Variants in EHD2 observed in about 807,000 individuals in gnomAD.
EHD2 encodes EH domain-containing protein 2.
Under a neutral mutation model 41.0 loss-of-function variants are expected in EHD2, and 27 were observed. The observed-to-expected ratio is 0.66, with a 90% CI of 0.49 to 0.91. The LOEUF is 0.91. Among genes scored for constraint, EHD2 ranks in the 40% least tolerant of loss-of-function variants. The probability of loss-of-function intolerance (pLI) is 0.00; values close to 1 mark genes in which losing one functional copy is unlikely to be tolerated. For missense variants in EHD2, 673 were observed against 773.9 expected, an observed-to-expected ratio of 0.87 and a Z score of 1.55; for synonymous variants, 342 against 341.0, an observed-to-expected ratio of 1.00 and a Z score of -0.03.
chr19:47,722,787 C>T (rs937459098), intron 3 of EHD2, among the ~76,000 whole-genome samples: 4 of 152,098 alleles, frequency 2.6e-5, no homozygotes, highest in Non-Finnish European at 5.9e-5. Flanking sequence ...AGGCTGGTCT[C>T]GAACTCCTGA....
intron 3 of EHD2, among the ~76,000 whole-genome samples, chr19:47,725,201 T>C (rs1973737596): frequency 6.6e-6 from 1 of 151,202 alleles, no homozygotes; most frequent in Non-Finnish European, 1.5e-5. Flanking sequence ...ACAACCTATA[T>C]GTACATACCG....
At position 47,718,716 on chromosome 19, in the gene EHD2, G is replaced by A. The variant is rs1287946708; in HGVS notation, c.502+110G>A. On this transcript the variant is annotated intron_variant, in intron 3 of 5. Coordinates refer to ENST00000263277, the MANE Select transcript of EHD2 (RefSeq NM_014601.4). ...GACTCCTGGGTCTGAGGGAGGAGGGGCTGGGGTCTGGACTCCTGGGTCTGA... is the reference window on the plus strand; with the variant it reads ...GACTCCTGGGTCTGAGGGAGGAGGGACTGGGGTCTGGACTCCTGGGTCTGA... 1.6e-4 allele frequency: 150 copies of A among 961,048 alleles called. No individual in the cohort carries two copies. The African/African-American group carries it at 2.1e-3, about 13-fold the overall frequency. The allele number at this position is 961,048 out of a possible 1,614,324, so 59.5% of individuals were successfully genotyped here.
chr19:47,720,349 T>G (rs1382457942), intron 3 of EHD2, among the ~76,000 whole-genome samples: 1 of 152,094 alleles, frequency 6.6e-6, no homozygotes, highest in Non-Finnish European at 1.5e-5. Context: ...GTATTTTTTT[T>G]TAGTAGAGAC....
intron 1 of EHD2, among the ~76,000 whole-genome samples, chr19:47,716,169 C>A (rs373699419): frequency 6.7e-6 from 1 of 150,002 alleles, no homozygotes; most frequent in East Asian, 2.0e-4. Context: ...GCCTTGAACT[C>A]CTGAGCTCAA....
chr19:47,725,933 G>A lies in EHD2; in HGVS notation c.624G>A (p.Arg208=), dbSNP rs1461517277. ...TCTCAGAGGCCATCGGCGCGTTGCGGGGCCATGAGGACAAGATCCGCGTGG... is the reference window on the plus strand; with the variant it reads ...TCTCAGAGGCCATCGGCGCGTTGCGAGGCCATGAGGACAAGATCCGCGTGG... ...DEFSEAIGAL[R]GHEDKIRVVL... Residue 208 remains arginine (R), a synonymous_variant, in exon 4 of 6, where the codon CGG becomes CGA. Transcript: ENST00000263277. 14 of 1,613,798 alleles carry A rather than the reference G, an allele frequency of 8.7e-6. No homozygotes were observed. Among genetic ancestry groups the A allele is most frequent in the Non-Finnish European group, 1.2e-5 (14 of 1,179,862 alleles).
Position 47,731,288 on chromosome 19 carries a change from A to ATATATG in EHD2, c.915+5069_915+5070insGTATAT, listed in dbSNP as rs985915844. The ATATATG allele has an allele frequency of 8.7e-5, 8 of 92,350 alleles. 1 individual carries two copies. The highest frequency in any genetic ancestry group is 5.8e-4 in the East Asian group (2 of 3,436). The allele number at this position is 92,350 out of a possible 1,614,324, so 5.7% of individuals were successfully genotyped here. A position where few individuals can be genotyped will look rare whatever the true frequency, so the allele number is the denominator to read the frequency against. Reference sequence around the variant, plus strand: ...TCTTTAAAAAAAAAAAAATATATATATATATATATATATACATATATATAT... The same window carrying ATATATG: ...TCTTTAAAAAAAAAAAAATATATATATATATGTATATATATATATACATATATATAT... On this transcript the variant is annotated intron_variant, in intron 4 of 5. Coordinates refer to ENST00000263277, the MANE Select transcript of EHD2 (RefSeq NM_014601.4).
chr19:47,735,522 C>T (rs916350214), intron 4 of EHD2, among the ~76,000 whole-genome samples: 5 of 151,766 alleles, frequency 3.3e-5, no homozygotes, highest in Non-Finnish European at 4.4e-5. Context: ...CCCTTGAGCC[C>T]AGGAATTTGA....
rs1967000223 is a variant in EHD2 at position 47,742,287 on chromosome 19, T to TTTC, written c.*857_*858insCTT. The TTTC allele has an allele frequency of 1.4e-5, 4 of 277,092 alleles. No individual in the cohort carries two copies. Among genetic ancestry groups the TTTC allele is most frequent in the South Asian group, 1.3e-4 (4 of 30,266 alleles). The allele number at this position is 277,092 out of a possible 1,614,324, so 17.2% of individuals were successfully genotyped here. ...CCTTTCCTGTCCTGTCCTTTCTTTC[T>TTTC]TTTTTGATAGAATCTTGCTCTGTCG... On this transcript the variant is annotated 3_prime_UTR_variant, in exon 6 of 6. Coordinates refer to ENST00000263277, the MANE Select transcript of EHD2 (RefSeq NM_014601.4).
In EHD2 at chr19:47,716,607, G is replaced by T; in HGVS notation, c.-6G>T. On this transcript the variant is annotated 5_prime_UTR_variant, in exon 2 of 6. Transcript: ENST00000263277. The stretch of plus-strand genomic sequence containing the variant: ...CCGTGAACCCCGTGAGCGGTGTGCA[G>T]CCACCATGTTCAGCTGGCTGAAGCG... 10 of 1,513,022 alleles carry T rather than the reference G, an allele frequency of 6.6e-6. No individual in the cohort carries two copies. Among genetic ancestry groups the T allele is most frequent in the Non-Finnish European group, 7.9e-6 (9 of 1,132,438 alleles). The allele number at this position is 1,513,022 out of a possible 1,614,324, so 93.7% of individuals were successfully genotyped here.
At chr19:47,726,379 C>A (rs182172239) in intron 4 of EHD2, 155 bp downstream of exon 4, 1 of 842,426 alleles carries the variant, frequency 1.2e-6, no homozygotes, top group Non-Finnish European at 1.7e-6. Context: ...GGAGGAAGAA[C>A]TGTATGGAGA....
chr19:47,736,434 G>C lies in EHD2; in HGVS notation c.981G>C (p.Lys327Asn), dbSNP rs772498278. The change falls in exon 5 of 6, where the codon AAG (lysine) becomes AAC (asparagine). Residue 327 changes from lysine (K) to asparagine (N), a missense_variant. By Grantham distance (94) the Lys-to-Asn change is moderately conservative. Coordinates refer to ENST00000263277, the MANE Select transcript of EHD2 (RefSeq NM_014601.4). ...EMPSVFGKEN[K>N]KKQLILKLPV... ...CCTCTGTGTTTGGGAAGGAGAACAA[G>C]AAGAAGCAGCTGATCCTCAAACTGC... The C allele has an allele frequency of 3.7e-6, 6 of 1,613,322 alleles. No homozygotes were observed. The highest frequency in any genetic ancestry group is 5.1e-6 in the Non-Finnish European group (6 of 1,179,772).
rs554214381 is a variant in EHD2, at chr19:47,727,254, A to G, written c.915+1030A>G. On this transcript the variant is annotated intron_variant, in intron 4 of 5. Transcript: ENST00000263277. ...CGAGTAGCTGGGATTACAGGCATTC[A>G]CCACCATGCCCGGCTAATTGTGTAT... 4.6e-5 allele frequency among the ~76,000 whole-genome samples: 7 copies of G among 151,894 alleles called. No homozygotes were observed. In the South Asian group the frequency reaches 1.3e-3, roughly 27 times the overall value.
chr19:47,726,615 T>G (rs560720710), intron 4 of EHD2, among the ~76,000 whole-genome samples: 1 of 151,034 alleles, frequency 6.6e-6, no homozygotes, highest in Non-Finnish European at 1.5e-5. Flanking sequence ...TTCCTTCCTC[T>G]GTTCCTCTCT....
Position 47,741,084 on chromosome 19 carries a change from C to A in EHD2, c.1284C>A (p.Asp428Glu), listed in dbSNP as rs377033461. The A allele has an allele frequency of 7.1e-5, 114 of 1,609,738 alleles. 1 individual carries two copies. The South Asian group carries it at 1.2e-3, about 17-fold the overall frequency. The change falls in exon 6 of 6, where the codon GAC (aspartate) becomes GAA (glutamate). Residue 428 changes from aspartate to glutamate, a missense_variant. Transcript: ENST00000263277. The surrounding 1 kb of genome is among the most constrained non-coding windows in gnomAD (Gnocchi z 4.5). Reference protein sequence around the residue: ...HMGPFVERGPDEAMEDGEEGS... With the variant: ...HMGPFVERGPEEAMEDGEEGS... Reference sequence around the variant, plus strand: ...GCCCGTTTGTGGAGCGGGGACCTGACGAGGCCATGGAGGACGGCGAGGAGG... The same window carrying A: ...GCCCGTTTGTGGAGCGGGGACCTGAAGAGGCCATGGAGGACGGCGAGGAGG...
chr19:47,739,274 ATT>A (rs57266469), intron 5 of EHD2, among the ~76,000 whole-genome samples: 145 of 116,038 alleles, frequency 1.2e-3, no homozygotes, highest in South Asian at 3.3e-3. Flanking sequence ...CTAATTTTTA[ATT>A]TTTTTTTTTT....
At chr19:47,737,334 A>C (rs1966935599) in intron 5 of EHD2, among the ~76,000 whole-genome samples, 1 of 151,920 alleles carries the variant, frequency 6.6e-6, no homozygotes, top group Non-Finnish European at 1.5e-5. Context: ...TTGAGACTTA[A>C]ATATTTATAT....
chr19:47,739,905 C>A (rs560216851), intron 5 of EHD2, among the ~76,000 whole-genome samples: 1 of 152,214 alleles, frequency 6.6e-6, no homozygotes, highest in African/African-American at 2.4e-5. Context: ...GGCAAAGGGC[C>A]GCTGCTCTCA....
rs1036353470 is a variant in EHD2, at chr19:47,736,352, G to A, written c.916-17G>A. On this transcript the variant is annotated splice_polypyrimidine_tract_variant and intron_variant, in intron 4 of 5. Coordinates refer to ENST00000263277, the MANE Select transcript of EHD2 (RefSeq NM_014601.4). The stretch of plus-strand genomic sequence containing the variant: ...GGTGGACCCTGATGCAGGCTGAGGT[G>A]AGAACCCTTCCCACAGGTTCACGCT... 5 of 1,605,994 alleles carry A rather than the reference G, an allele frequency of 3.1e-6. No individual in the cohort carries two copies. In the African/African-American group the frequency reaches 6.7e-5, roughly 22 times the overall value.
In EHD2 at chr19:47,741,216, C is replaced by G; in HGVS notation, c.1416C>G (p.Ala472=). 1 of 1,614,152 alleles carries G rather than the reference C, an allele frequency of 6.2e-7. No individual in the cohort carries two copies. The highest frequency in any genetic ancestry group is 1.3e-5 in the African/African-American group (1 of 75,066). ...ACGGCAAGCTGAGCGGCTCCAAGGC[C>G]AAGACCTGGATGGTGGGGACCAAGC... ...PADGKLSGSK[A]KTWMVGTKLP... The change falls in exon 6 of 6, where the codon GCC becomes GCG. Residue 472 remains alanine (A), a synonymous_variant. Transcript: ENST00000263277. The surrounding 1 kb of genome is among the most constrained non-coding windows in gnomAD (Gnocchi z 4.5).
Sources: gnomAD v4.1 joint callset for allele counts (sites outside exome capture counted in the v4.1 genomes callset) on GRCh38, gnomAD v4.1.1 for gene constraint, Gnocchi (gnomAD v3.1) non-coding constraint, MANE v1.5 for transcripts, NCBI Gene and HGNC (gene_info 2026-07-23, HGNC 2026-07-21) for gene names.